The following SLC4A4 variants were observed in gnomAD, a reference collection of about 807,000 sequenced individuals.
SLC4A4 encodes the protein electrogenic sodium bicarbonate cotransporter 1.
Under a neutral mutation model 111.5 loss-of-function variants are expected in SLC4A4, and 27 were observed. The ratio of observed to expected loss-of-function variants is 0.24; its 90% CI spans 0.18 to 0.33. SLC4A4 has a LOEUF of 0.33. Among genes scored for constraint, SLC4A4 ranks in the 10% least tolerant of loss-of-function variants. The probability of loss-of-function intolerance (pLI) is 1.00; values close to 1 mark genes in which losing one functional copy is unlikely to be tolerated. For missense variants in SLC4A4, 909 were observed against 1,315.5 expected (o/e 0.69, Z 4.78); for synonymous variants, 443 against 463.4 (o/e 0.96, Z 0.57).
chr4:71,269,515 T>G (rs1419380769), intron 3 of SLC4A4, among the ~76,000 whole-genome samples: 1 of 152,370 alleles, frequency 6.6e-6, no homozygotes, highest in African/African-American at 2.4e-5. Flanking sequence ...AATTTTTTTT[T>G]GTTTTTCTTT....
intron 12 of SLC4A4, among the ~76,000 whole-genome samples, chr4:71,460,440 TGGTA>T (rs1726710590): frequency 6.6e-6 from 1 of 152,154 alleles, no homozygotes; most frequent in South Asian, 2.1e-4. Flanking sequence ...TTGGAACTCT[TGGTA>T]AGATTTTTGG....
At position 71,102,524 on chromosome 4, in the gene SLC4A4, G is replaced by T. The variant is rs192447236; in HGVS notation, c.-2+9732G>T. Among the ~76,000 whole-genome samples, 458 of 152,244 alleles carry T rather than the reference G, an allele frequency of 3.0e-3. 3 individuals carry two copies. Among genetic ancestry groups the T allele is most frequent in the African/African-American group, 0.011 (441 of 41,526 alleles). On this transcript the variant is annotated intron_variant, in intron 2 of 26. Transcript: ENST00000649996. ...AATGTTAAGGGCAGGCAGAGAGAAA[G>T]GTCAGGTTACTCACAAAGGAAAGCC... is the stretch of plus-strand genomic sequence containing the variant.
rs1578185820 is a variant in SLC4A4 at position 71,558,869 on chromosome 4, A to T, written c.2937+984A>T. Among the ~76,000 whole-genome samples, 10 of 151,898 alleles carry T rather than the reference A, an allele frequency of 6.6e-5. 1 individual carries two copies. In the East Asian group the frequency reaches 2.0e-3, roughly 30 times the overall value. ...TGTCTTTCTTTCCTTTTTTTAAAAA[A>T]AAACTATATTAACTTACTGAAAAGC... On this transcript the variant is annotated intron_variant, in intron 22 of 25. Coordinates refer to ENST00000264485, the MANE Select transcript of SLC4A4 (RefSeq NM_001098484.3).
chr4:71,208,441 A>ATAT lies in SLC4A4; in HGVS notation c.-2+21040_-2+21041insTAT, dbSNP rs751310771. Reference sequence around the variant, plus strand: ...GTGAGACTCCGTCTCAAAAAAAAAAAAAATATATATATATATAATAAAACA... The same window carrying ATAT: ...GTGAGACTCCGTCTCAAAAAAAAAAATATAAATATATATATATATAATAAAACA... On this transcript the variant is annotated intron_variant, in intron 1 of 25. Transcript: ENST00000264485. Among the ~76,000 whole-genome samples, 1,341 of 144,034 alleles carry ATAT rather than the reference A, an allele frequency of 9.3e-3. 12 individuals are homozygous for ATAT. Among genetic ancestry groups the ATAT allele is most frequent in the East Asian group, 0.041 (205 of 4,940 alleles). 94.5% of individuals were successfully genotyped at this position (144,034 alleles called of 152,430 possible).
chr4:71,201,985 C>A (rs1746276700), intron 1 of SLC4A4, among the ~76,000 whole-genome samples: 1 of 152,144 alleles, frequency 6.6e-6, no homozygotes, highest in Admixed American at 6.5e-5. Flanking sequence ...TCTGAGTTAA[C>A]AGAGAGTTCA....
At chr4:71,102,573 T>C (rs1259855413) in intron 2 of SLC4A4, among the ~76,000 whole-genome samples, 1 of 152,206 alleles carries the variant, frequency 6.6e-6, no homozygotes, top group African/African-American at 2.4e-5. Flanking sequence ...GCTGATCTCT[T>C]GGCAGAAACT....
chr4:71,091,061 C>T (rs937544368), intron 1 of SLC4A4, among the ~76,000 whole-genome samples: 5 of 152,174 alleles, frequency 3.3e-5, no homozygotes, highest in Admixed American at 2.6e-4. Flanking sequence ...GATTCTCCTG[C>T]CTCAGCCTCC....
rs550285672 is a variant in SLC4A4, at chr4:71,440,784, C to G, written c.965+11C>G. On this transcript the variant is annotated intron_variant, in intron 8 of 25. Coordinates refer to ENST00000264485, the MANE Select transcript of SLC4A4 (RefSeq NM_001098484.3). ...TCCTGTGCCCACAAGGTAAGCTGCTCTCCTACCTGGGGTCTACAATGTGCT... is the reference window on the plus strand; with the variant it reads ...TCCTGTGCCCACAAGGTAAGCTGCTGTCCTACCTGGGGTCTACAATGTGCT... The G allele has an allele frequency of 1.9e-6, 3 of 1,613,662 alleles. No homozygotes were observed. Among genetic ancestry groups the G allele is most frequent in the Non-Finnish European group, 2.5e-6 (3 of 1,179,918 alleles).
chr4:71,183,803 A>G (rs1290475688), upstream of SLC4A4, among the ~76,000 whole-genome samples: 1 of 152,198 alleles, frequency 6.6e-6, no homozygotes, highest in Non-Finnish European at 1.5e-5. Context: ...ACTTTCGCCA[A>G]TGAACCACCT....
intron 3 of SLC4A4, among the ~76,000 whole-genome samples, chr4:71,279,903 C>G (rs536504816): frequency 9.2e-5 from 14 of 152,170 alleles, no homozygotes; most frequent in Non-Finnish European, 1.8e-4. Flanking sequence ...TCAAGAGATT[C>G]TCCTGCCTCA....
At chr4:71,187,114 G>A (rs988138535), upstream of SLC4A4, 5 of 152,056 alleles carry the variant, frequency 3.3e-5, no homozygotes, top group Non-Finnish European at 7.3e-5. Flanking sequence ...CACCCACCCA[G>A]GCGGCAAAGT....
intron 2 of SLC4A4, among the ~76,000 whole-genome samples, chr4:71,149,133 G>C (rs947449565): frequency 4.6e-5 from 7 of 152,214 alleles, no homozygotes; most frequent in South Asian, 2.1e-4. Context: ...CTTAGGTCTT[G>C]AAACTGACAT....
At chr4:71,105,228 C>T (rs1742873934) in intron 2 of SLC4A4, among the ~76,000 whole-genome samples, 1 of 149,594 alleles carries the variant, frequency 6.7e-6, no homozygotes, top group South Asian at 2.1e-4. Context: ...TGTGAAGGAC[C>T]TCTTCAAGGA....
rs554619168 is a variant in SLC4A4, at chr4:71,102,607, G to A, written c.-2+9815G>A. ...CTCTACAAGCCAGAAGAGAGTGGGG[G>A]CCAATATTCAACATTCTTAAAGAAA... On this transcript the variant is annotated intron_variant, in intron 2 of 26. Transcript: ENST00000649996. Among the ~76,000 whole-genome samples the A allele has an allele frequency of 9.1e-3, 1,379 of 152,018 alleles. 22 individuals carry two copies. The highest frequency in any genetic ancestry group is 0.032 in the African/African-American group (1,328 of 41,414).
chr4:71,181,201 A>T (rs1407543992), intron 2 of SLC4A4, among the ~76,000 whole-genome samples: 1 of 113,660 alleles, frequency 8.8e-6, no homozygotes, highest in Non-Finnish European at 1.7e-5. Context: ...AACATCACAC[A>T]CCAGGGCCTG....
intron 16 of SLC4A4, among the ~76,000 whole-genome samples, chr4:71,529,286 AC>A (rs1441350770): frequency 1.3e-5 from 2 of 152,126 alleles, no homozygotes; most frequent in Non-Finnish European, 2.9e-5. Context: ...CATTTGTGTA[AC>A]CAACATCCAA....
intron 7 of SLC4A4, among the ~76,000 whole-genome samples, chr4:71,428,112 C>A (rs138630692): frequency 6.6e-6 from 1 of 152,008 alleles, no homozygotes; most frequent in African/African-American, 2.4e-5. Flanking sequence ...AGGCAGAGGC[C>A]GGAACCTGGT....
At chr4:71,153,025 A>ATGTG (rs71673464) in intron 2 of SLC4A4, among the ~76,000 whole-genome samples, 13 of 138,470 alleles carry the variant, frequency 9.4e-5, no homozygotes, top group African/African-American at 3.2e-4. Context: ...ATATAAATAT[A>ATGTG]TGTGTGTGTA....
chr4:71,235,511 T>G (rs1420890788), intron 1 of SLC4A4, among the ~76,000 whole-genome samples: 2 of 152,172 alleles, frequency 1.3e-5, no homozygotes, highest in African/African-American at 2.4e-5. Context: ...CCAGAGAAAG[T>G]TCTTTGTTTC....
Sources: gnomAD v4.1 joint callset for allele counts (sites outside exome capture counted in the v4.1 genomes callset) on GRCh38, gnomAD v4.1.1 for gene constraint, MANE v1.5 for transcripts, NCBI Gene and HGNC (gene_info 2026-07-23, HGNC 2026-07-21) for gene names.